The following SORCS3 variants were observed in gnomAD, a reference collection of about 807,000 sequenced individuals.
The protein encoded by SORCS3 is VPS10 domain-containing receptor SorCS3.
In SORCS3, 57 loss-of-function variants were observed where a neutral mutation model predicts 146.3. The observed-to-expected ratio is 0.39, with a 90% confidence interval of 0.31 to 0.49. The LOEUF (loss-of-function observed/expected upper bound fraction) is 0.49. SORCS3 is among the 20% of genes least tolerant of loss of function. The probability of loss-of-function intolerance (pLI) is 0.92; values close to 1 mark genes in which losing one functional copy is unlikely to be tolerated. For missense variants in SORCS3, 1,341 were observed against 1,575.5 expected (o/e 0.85, Z 2.52); for synonymous variants, 653 against 618.5 (o/e 1.06, Z -0.83).
chr10:104,940,238 ATTTTT>A (rs1186082602), intron 3 of SORCS3, among the ~76,000 whole-genome samples: 97 of 31,474 alleles, frequency 3.1e-3, no homozygotes, highest in African/African-American at 7.7e-3. Flanking sequence ...ATATATATAT[ATTTTT>A]TTTTTTTTTT....
At chr10:104,811,084 C>G (rs998829585) in intron 1 of SORCS3, among the ~76,000 whole-genome samples, 3 of 151,982 alleles carry the variant, frequency 2.0e-5, no homozygotes, top group African/African-American at 7.3e-5. Flanking sequence ...AAGACATGCA[C>G]GTAATAATTA....
chr10:104,941,632 G>A (rs536868938), intron 3 of SORCS3, among the ~76,000 whole-genome samples: 26 of 152,232 alleles, frequency 1.7e-4, no homozygotes, highest in African/African-American at 5.3e-4. Context: ...TACCACTCTC[G>A]TTACTACTAT....
chr10:104,698,294 C>A (rs968372038), intron 1 of SORCS3, among the ~76,000 whole-genome samples: 1 of 152,082 alleles, frequency 6.6e-6, no homozygotes, highest in Non-Finnish European at 1.5e-5. Flanking sequence ...GGCCTGAGAC[C>A]CAAGCCCTGA....
intron 1 of SORCS3, among the ~76,000 whole-genome samples, chr10:104,667,812 G>T (rs2015800304): frequency 6.6e-6 from 1 of 152,212 alleles, no homozygotes; most frequent in South Asian, 2.1e-4. Flanking sequence ...ACTGGTCCAA[G>T]TCTGTAGGAT....
intron 1 of SORCS3, among the ~76,000 whole-genome samples, chr10:104,838,081 C>T (rs2018091025): frequency 6.6e-6 from 1 of 152,122 alleles, no homozygotes; most frequent in Non-Finnish European, 1.5e-5. Context: ...GAGAATTGCC[C>T]AGTGTAGTAC....
chr10:104,910,172 C>T (rs1007042481), intron 2 of SORCS3, among the ~76,000 whole-genome samples: 2 of 152,106 alleles, frequency 1.3e-5, no homozygotes, highest in African/African-American at 4.8e-5. Flanking sequence ...TGGAGAGTAG[C>T]GTGAGTGACA....
intron 7 of SORCS3, among the ~76,000 whole-genome samples, chr10:105,133,087 C>G (rs1423752701): frequency 1.3e-5 from 2 of 152,152 alleles, no homozygotes; most frequent in Non-Finnish European, 2.9e-5. Flanking sequence ...AATGCATCAG[C>G]CTGCTTTTGT....
rs398014705 is a variant in SORCS3 at position 104,969,340 on chromosome 10, T to TGTGC, written c.796-7994_796-7993insTGCG. 9.0e-3 allele frequency among the ~76,000 whole-genome samples: 1,012 copies of TGTGC among 112,370 alleles called. 6 individuals carry two copies. Among genetic ancestry groups the TGTGC allele is most frequent in the Middle Eastern group, 0.02 (4 of 198 alleles). The allele number at this position is 112,370 out of a possible 152,430, so 73.7% of individuals were successfully genotyped here. A position where few individuals can be genotyped will look rare whatever the true frequency, so the allele number is the denominator to read the frequency against. ...GTGTGTGTGTGTGTGTGTGTGTGTG[T>TGTGC]GCGCGCGCGCGTACAGAGCATGGAA... On this transcript the variant is annotated intron_variant, in intron 3 of 26. Coordinates refer to ENST00000369701, the MANE Select transcript of SORCS3 (RefSeq NM_014978.3).
intron 5 of SORCS3, among the ~76,000 whole-genome samples, chr10:105,082,456 T>C (rs1445193806): frequency 6.6e-6 from 1 of 152,248 alleles, no homozygotes; most frequent in African/African-American, 2.4e-5. Flanking sequence ...CTGCATTATA[T>C]GTGTCAGACA....
intron 1 of SORCS3, among the ~76,000 whole-genome samples, chr10:104,807,739 C>T (rs1322715217): frequency 6.6e-6 from 1 of 152,198 alleles, no homozygotes; most frequent in Non-Finnish European, 1.5e-5. Context: ...CATTCTGTGG[C>T]TTCCAACACT....
chr10:105,150,783 A>T (rs1477367126), intron 9 of SORCS3, among the ~76,000 whole-genome samples: 1 of 152,102 alleles, frequency 6.6e-6, no homozygotes, highest in Admixed American at 6.6e-5. Context: ...GCACCTGGAG[A>T]TACATTCTGT....
intron 4 of SORCS3, among the ~76,000 whole-genome samples, chr10:105,021,781 G>A (rs1037728612): frequency 6.6e-6 from 1 of 152,152 alleles, no homozygotes; most frequent in Non-Finnish European, 1.5e-5. Context: ...GCAGTTAAGA[G>A]AGGAGAAAGT....
chr10:105,250,196 C>T (rs569627204), intron 22 of SORCS3, among the ~76,000 whole-genome samples: 34 of 152,050 alleles, frequency 2.2e-4, no homozygotes, highest in Admixed American at 7.9e-4. Context: ...CATGAGGGCT[C>T]CACCCTTATG....
intron 3 of SORCS3, among the ~76,000 whole-genome samples, chr10:104,974,004 T>G (rs1281193451): frequency 3.3e-5 from 5 of 152,040 alleles, no homozygotes; most frequent in Non-Finnish European, 4.4e-5. Flanking sequence ...AGTTGAGCGG[T>G]TTTGAGTGAG....
chr10:104,685,819 T>C (rs2016037111), intron 1 of SORCS3, among the ~76,000 whole-genome samples: 1 of 152,226 alleles, frequency 6.6e-6, no homozygotes, highest in African/African-American at 2.4e-5. Context: ...ATGTCATTGG[T>C]TCCCTCTTCC....
At chr10:104,915,992 C>A in intron 3 of SORCS3, 60 bp downstream of exon 3, 1 of 1,329,394 alleles carries the variant, frequency 7.5e-7, no homozygotes, top group Non-Finnish European at 1.1e-6. Flanking sequence ...CTGATTAGGG[C>A]CAGAGGTTAA....
intron 14 of SORCS3, among the ~76,000 whole-genome samples, chr10:105,181,339 G>T (rs2056441500): frequency 6.6e-6 from 1 of 152,126 alleles, no homozygotes; most frequent in African/African-American, 2.4e-5. Flanking sequence ...CATGGGGGCT[G>T]GGGTTGGATA....
chr10:105,027,158 C>T (rs2055236925), intron 4 of SORCS3, among the ~76,000 whole-genome samples: 1 of 152,106 alleles, frequency 6.6e-6, no homozygotes, highest in Non-Finnish European at 1.5e-5. Context: ...GTATCCTTCC[C>T]ATCCTTCCAT....
chr10:104,868,173 T>C (rs1170950843), intron 2 of SORCS3, among the ~76,000 whole-genome samples: 1 of 152,220 alleles, frequency 6.6e-6, no homozygotes, highest in East Asian at 1.9e-4. Flanking sequence ...AGAGCTCTGC[T>C]CTCTGACTAA....
Sources: allele counts gnomAD v4.1 joint callset (sites outside exome capture counted in the v4.1 genomes callset), GRCh38; gene constraint gnomAD v4.1.1; transcripts MANE v1.5; gene names NCBI Gene and HGNC (gene_info 2026-07-23, HGNC 2026-07-21).